Variants in DPYSL2 observed in about 807,000 individuals in gnomAD.
DPYSL2 encodes the protein dihydropyrimidinase-related protein 2.
Under a neutral mutation model 69.9 loss-of-function variants are expected in DPYSL2, and 13 were observed. The observed-to-expected ratio is 0.19, with a 90% CI of 0.12 to 0.30. The LOEUF (loss-of-function observed/expected upper bound fraction) is 0.30, where lower values mean the gene tolerates loss of function less well. DPYSL2 is among the 10% of genes least tolerant of loss of function. The pLI, the probability that DPYSL2 is intolerant of heterozygous loss-of-function variation, is 1.00. For synonymous variants in DPYSL2, 326 were observed against 359.1 expected (o/e 0.91, Z 1.04); for missense variants, 587 against 918.9 (o/e 0.64, Z 4.67).
intron 1 of DPYSL2, among the ~76,000 whole-genome samples, chr8:26,572,939 C>T (rs1460033549): frequency 6.6e-6 from 1 of 152,140 alleles, no homozygotes; most frequent in Non-Finnish European, 1.5e-5. Flanking sequence ...TGGGATCACA[C>T]AGGGATGTAC....
In DPYSL2 at chr8:26,639,174, G is replaced by T. The variant is rs112041274; in HGVS notation, c.1127-4265G>T. On this transcript the variant is annotated intron_variant, in intron 8 of 13. Transcript: ENST00000521913. ...GGGCCTGTGAGGACCACCTCAGCTT[G>T]GGGATGAGTCCTTAGTTAAGCTTAT... is the stretch of plus-strand genomic sequence containing the variant. Among the ~76,000 whole-genome samples, 15 of 152,324 alleles carry T rather than the reference G, an allele frequency of 9.8e-5. No individual in the cohort carries two copies. The East Asian group carries it at 2.9e-3, about 29-fold the overall frequency.
intron 1 of DPYSL2, among the ~76,000 whole-genome samples, chr8:26,549,399 G>A (rs75125809): frequency 0.031 from 4,634 of 151,930 alleles, 239 homozygotes; most frequent in African/African-American, 0.1. Flanking sequence ...TGAAAATGAC[G>A]GAACAGAATA....
chr8:26,525,478 T>C (rs1808461489), intron 1 of DPYSL2, among the ~76,000 whole-genome samples: 1 of 152,186 alleles, frequency 6.6e-6, no homozygotes, highest in Non-Finnish European at 1.5e-5. Flanking sequence ...TGCCTTTGTC[T>C]CCCAAAGTAC....
chr8:26,529,337 A>C (rs572386499), intron 1 of DPYSL2, among the ~76,000 whole-genome samples: 56 of 150,668 alleles, frequency 3.7e-4, no homozygotes, highest in African/African-American at 1.1e-3. Flanking sequence ...ATCTATCTAT[A>C]TATATATTTA....
At chr8:26,655,317 C>T (rs911313743) in intron 13 of DPYSL2, among the ~76,000 whole-genome samples, 3 of 152,002 alleles carry the variant, frequency 2.0e-5, no homozygotes, top group Non-Finnish European at 2.9e-5. Context: ...AGCAACATAG[C>T]GAAACCCCTC....
rs1803121542 is a variant in DPYSL2, at chr8:26,644,581, A to T, written c.1425+490A>T. 6.6e-6 allele frequency among the ~76,000 whole-genome samples: 1 copy of T among 152,056 alleles called. No homozygotes were observed. Among genetic ancestry groups the T allele is most frequent in the Non-Finnish European group, 1.5e-5 (1 of 68,008 alleles). Reference sequence around the variant, plus strand: ...CGGCCTCCCAAAGTGCTGGGATTACAGGTGTGAGCCACCACGCCTGGCTTA... The same window carrying T: ...CGGCCTCCCAAAGTGCTGGGATTACTGGTGTGAGCCACCACGCCTGGCTTA... On this transcript the variant is annotated intron_variant, in intron 10 of 13. Coordinates refer to ENST00000521913, the MANE Select transcript of DPYSL2 (RefSeq NM_001197293.3). The surrounding 1 kb of genome is among the most constrained non-coding windows in gnomAD (Gnocchi z 4.5).
intron 1 of DPYSL2, among the ~76,000 whole-genome samples, chr8:26,535,752 T>G (rs1413796707): frequency 6.6e-6 from 1 of 152,092 alleles, no homozygotes; most frequent in Non-Finnish European, 1.5e-5. Context: ...TGACATTGCT[T>G]TGAAATGAAC....
intron 1 of DPYSL2, among the ~76,000 whole-genome samples, chr8:26,561,326 C>T (rs917170615): frequency 6.6e-6 from 1 of 152,082 alleles, no homozygotes; most frequent in Admixed American, 6.6e-5. Flanking sequence ...CAGGACTGAC[C>T]CTCTCCTCTC....
At chr8:26,573,645 G>A (rs1377277377) in intron 1 of DPYSL2, among the ~76,000 whole-genome samples, 2 of 146,772 alleles carry the variant, frequency 1.4e-5, no homozygotes, top group Non-Finnish European at 1.5e-5. Context: ...TACAGCCTGG[G>A]GCAACAGAGC....
rs1801922897 is a variant in DPYSL2, at chr8:26,598,730, TG to T, written c.628+14749del. Among the ~76,000 whole-genome samples, 2 of 151,744 alleles carry T rather than the reference TG, an allele frequency of 1.3e-5. No individual in the cohort carries two copies. Among genetic ancestry groups the T allele is most frequent in the Non-Finnish European group, 2.9e-5 (2 of 67,992 alleles). On this transcript the variant is annotated intron_variant, in intron 3 of 13. Transcript: ENST00000521913. This position sits in a 1 kb window ranked among gnomAD's most constrained non-coding sequence, Gnocchi z 4.2. ...CCAAAATCTCTCTGTTCCTTGTGGG[TG>T]GATGGGAGCCTGACACCTGATTACA...
intron 3 of DPYSL2, among the ~76,000 whole-genome samples, chr8:26,622,468 G>GTATA (rs1452771557): frequency 2.3e-4 from 24 of 104,580 alleles, no homozygotes; most frequent in African/African-American, 7.7e-4. Context: ...GTGTGTGTGT[G>GTATA]TGTGTATATG....
Position 26,580,098 on chromosome 8 carries a change from C to G in DPYSL2, c.355-1871C>G, listed in dbSNP as rs1451476936. Reference sequence around the variant, plus strand: ...GAGTGAACGGGGGTGTGGTGTTTCACTTTTTTTCATGGCATCATGTTGGCT... The same window carrying G: ...GAGTGAACGGGGGTGTGGTGTTTCAGTTTTTTTCATGGCATCATGTTGGCT... On this transcript the variant is annotated intron_variant, in intron 1 of 13. Coordinates refer to ENST00000521913, the MANE Select transcript of DPYSL2 (RefSeq NM_001197293.3). The surrounding 1 kb of genome is among the most constrained non-coding windows in gnomAD (Gnocchi z 4.1). 1.3e-5 allele frequency among the ~76,000 whole-genome samples: 2 copies of G among 151,954 alleles called. No individual in the cohort carries two copies. Among genetic ancestry groups the G allele is most frequent in the African/African-American group, 2.4e-5 (1 of 41,368 alleles).
intron 10 of DPYSL2, among the ~76,000 whole-genome samples, chr8:26,646,973 C>T (rs1803178792): frequency 6.6e-6 from 1 of 150,866 alleles, no homozygotes; most frequent in Non-Finnish European, 1.5e-5. Context: ...ACAGCAAGAC[C>T]CTGTCTCAAA....
Position 26,572,074 on chromosome 8 carries a change from A to G in DPYSL2, c.355-9895A>G, listed in dbSNP as rs924010512. On this transcript the variant is annotated intron_variant, in intron 1 of 13. Coordinates refer to ENST00000521913, the MANE Select transcript of DPYSL2 (RefSeq NM_001197293.3). ...GCCACAGCCCTTGGCATCCAATTGC[A>G]GCACTCTGGGCATTGGGGATTTTCT... 3.9e-5 allele frequency among the ~76,000 whole-genome samples: 6 copies of G among 152,334 alleles called. No homozygotes were observed. The South Asian group carries it at 8.3e-4, about 21-fold the overall frequency.
intron 1 of DPYSL2, among the ~76,000 whole-genome samples, chr8:26,547,256 G>A (rs1176609450): frequency 6.6e-6 from 1 of 151,868 alleles, no homozygotes; most frequent in Non-Finnish European, 1.5e-5. Flanking sequence ...CCAGCTACTC[G>A]GGTGGCTGAG....
At chr8:26,607,991 C>T (rs1176974141) in intron 3 of DPYSL2, among the ~76,000 whole-genome samples, 1 of 150,948 alleles carries the variant, frequency 6.6e-6, no homozygotes, top group African/African-American at 2.4e-5. Context: ...GCAGGAGAAT[C>T]GCTTGAACCT....
At position 26,617,309 on chromosome 8, in the gene DPYSL2, G is replaced by A. The variant is rs547867513; in HGVS notation, c.629-6834G>A. 1.2e-4 allele frequency among the ~76,000 whole-genome samples: 19 copies of A among 152,242 alleles called. No individual in the cohort carries two copies. In the East Asian group the frequency reaches 2.7e-3, roughly 22 times the overall value. ...AAAGTTCCAGCCTGGGCAGCATAGC[G>A]AGACCTATTGTCTCTACACATAATA... On this transcript the variant is annotated intron_variant, in intron 3 of 13. Coordinates refer to ENST00000521913, the MANE Select transcript of DPYSL2 (RefSeq NM_001197293.3). This position sits in a 1 kb window ranked among gnomAD's most constrained non-coding sequence, Gnocchi z 4.7.
chr8:26,653,667 C>T lies in DPYSL2; in HGVS notation c.1942+270C>T, dbSNP rs1056571631. On this transcript the variant is annotated intron_variant, in intron 13 of 13. Transcript: ENST00000521913. This position sits in a 1 kb window ranked among gnomAD's most constrained non-coding sequence, Gnocchi z 5.7. ...TCCACCTCCTGGTTCAAGTGATTCT[C>T]ATGTCTCAGCCTCCCAAGTAGCTGG... 1.3e-5 allele frequency among the ~76,000 whole-genome samples: 2 copies of T among 152,146 alleles called. No individual in the cohort carries two copies. Among genetic ancestry groups the T allele is most frequent in the African/African-American group, 4.8e-5 (2 of 41,416 alleles).
chr8:26,572,933 A>C (rs2585455), intron 1 of DPYSL2, among the ~76,000 whole-genome samples: 100,978 of 152,080 alleles, frequency 0.66, 34,088 homozygotes, highest in East Asian at 0.93. Context: ...GATGAATGGG[A>C]TCACACAGGG....
Sources: allele counts gnomAD v4.1 joint callset (sites outside exome capture counted in the v4.1 genomes callset), GRCh38; gene constraint gnomAD v4.1.1; non-coding constraint Gnocchi (gnomAD v3.1); transcripts MANE v1.5; gene names NCBI Gene and HGNC (gene_info 2026-07-23, HGNC 2026-07-21).